Variants in ABCB5 observed in about 807,000 individuals in gnomAD.
ABCB5 encodes the protein ATP binding cassette subfamily B member 5.
In ABCB5, 155 loss-of-function variants were observed where a neutral mutation model predicts 144.2. The ratio of observed to expected loss-of-function variants is 1.08; its 90% CI spans 0.94 to 1.23. The LOEUF (loss-of-function observed/expected upper bound fraction) is 1.23, where lower values mean the gene tolerates loss of function less well. ABCB5 is among the 50% of genes most tolerant of loss of function. The pLI, the probability that ABCB5 is intolerant of heterozygous loss-of-function variation, is 0.00. For missense variants in ABCB5, 1,830 were observed against 1,520.8 expected, an observed-to-expected ratio of 1.20 and a Z score of -3.38; for synonymous variants, 610 against 528.6, an observed-to-expected ratio of 1.15 and a Z score of -2.11.
intron 14 of ABCB5, among the ~76,000 whole-genome samples, chr7:20,660,568 G>A (rs1784970937): frequency 6.6e-6 from 1 of 152,106 alleles, no homozygotes; most frequent in African/African-American, 2.4e-5. Context: ...GTAGCACCAT[G>A]ACAGCCCTCT....
intron 5 of ABCB5, among the ~76,000 whole-genome samples, chr7:20,635,474 A>G (rs531492285): frequency 6.6e-6 from 1 of 151,734 alleles, no homozygotes; most frequent in Non-Finnish European, 1.5e-5. Context: ...TAGAAATTGC[A>G]TTGAATGTAT....
intron 23 of ABCB5, 101 bp downstream of exon 23, chr7:20,728,556 T>C (rs964498156): frequency 3.7e-6 from 5 of 1,336,824 alleles, no homozygotes; most frequent in Non-Finnish European, 5.1e-6. Context: ...GAGTTTGAGA[T>C]CAGCCTGACC....
At chr7:20,695,759 T>C (rs774710476) in intron 16 of ABCB5, among the ~76,000 whole-genome samples, 11 of 151,898 alleles carry the variant, frequency 7.2e-5, no homozygotes. Flanking sequence ...AGCAAAAGAT[T>C]TGAAAAGGCA....
intron 19 of ABCB5, among the ~76,000 whole-genome samples, chr7:20,702,958 C>T (rs1014637686): frequency 1.3e-5 from 2 of 151,282 alleles, no homozygotes; most frequent in African/African-American, 4.9e-5. Context: ...TATATATTGC[C>T]TATGCTGGAA....
chr7:20,725,414 A>C (rs1782003739), intron 21 of ABCB5, among the ~76,000 whole-genome samples: 1 of 152,190 alleles, frequency 6.6e-6, no homozygotes, highest in Non-Finnish European at 1.5e-5. Flanking sequence ...CCCTGTCTCT[A>C]CTAAAAATAC....
chr7:20,711,794 T>TCTCTCTCTCTCTCTC (rs1562573624), intron 20 of ABCB5, among the ~76,000 whole-genome samples: 4 of 85,670 alleles, frequency 4.7e-5, no homozygotes, highest in Admixed American at 1.3e-4. Context: ...CTTTCTTTCT[T>TCTCTCTCTCTCTCTC]TCTTTCTTTC....
chr7:20,667,523 CTT>C (rs1785239141), intron 14 of ABCB5: 1 of 978,876 alleles, frequency 1.0e-6, no homozygotes, highest in South Asian at 4.7e-5. Flanking sequence ...TTAATGCTCT[CTT>C]TTATATTTTC....
chr7:20,704,836 T>C lies in ABCB5; in HGVS notation c.2421+29T>C, dbSNP rs201029268. The C allele has an allele frequency of 3.1e-4, 485 of 1,565,620 alleles. 2 individuals are homozygous for C. In the African/African-American group the frequency reaches 5.7e-3, roughly 19 times the overall value. On this transcript the variant is annotated intron_variant, in intron 20 of 27. Transcript: ENST00000404938. Reference sequence around the variant, plus strand: ...TGTATATTGTTTTTATTGTAAATGATGTATGTATGTGGTGTGCACACATGC... The same window carrying C: ...TGTATATTGTTTTTATTGTAAATGACGTATGTATGTGGTGTGCACACATGC...
chr7:20,753,303 G>A, intron 26 of ABCB5, 57 bp from the exon 27 acceptor site: 1 of 1,556,408 alleles, frequency 6.4e-7, no homozygotes, highest in African/African-American at 1.4e-5. Context: ...GCCCACAGTT[G>A]CCATGCTAAT....
At chr7:20,718,188 C>T (rs1781749652) in intron 20 of ABCB5, among the ~76,000 whole-genome samples, 1 of 151,976 alleles carries the variant, frequency 6.6e-6, no homozygotes, top group African/African-American at 2.4e-5. Context: ...GGATTCCAGG[C>T]GTGAGCCACG....
At chr7:20,702,525 C>A (rs1269107617) in intron 19 of ABCB5, among the ~76,000 whole-genome samples, 1 of 152,066 alleles carries the variant, frequency 6.6e-6, no homozygotes, top group African/African-American at 2.4e-5. Flanking sequence ...TACAACAAAC[C>A]CCCATGACAC....
At position 20,685,685 on chromosome 7, in the gene ABCB5, C is replaced by A; in HGVS notation, c.1870-11C>A. On this transcript the variant is annotated splice_polypyrimidine_tract_variant and intron_variant, in intron 15 of 27. Transcript: ENST00000404938. ...TTCTTATAATGATAACCTATATATT[C>A]TTCCTGTAAGGATATTAAAAAAGCT... The A allele has an allele frequency of 3.8e-6, 6 of 1,589,572 alleles. No individual in the cohort carries two copies. Among genetic ancestry groups the A allele is most frequent in the Non-Finnish European group, 5.1e-6 (6 of 1,168,468 alleles).
chr7:20,618,513 G>A (rs569882674), intron 1 of ABCB5, among the ~76,000 whole-genome samples: 1 of 152,044 alleles, frequency 6.6e-6, no homozygotes, highest in South Asian at 2.1e-4. Context: ...CCTTCGCCCA[G>A]GTAGTGAGCA....
In ABCB5 at chr7:20,650,110, A is replaced by G; in HGVS notation, c.1295A>G (p.Gln432Arg). Residue 432 changes from glutamine to arginine, a missense_variant, in exon 12 of 28, where the codon CAG (glutamine) becomes CGG (arginine). Gln to Arg is a conservative substitution (Grantham distance 43, BLOSUM62 1). Coordinates refer to ENST00000404938, the MANE Select transcript of ABCB5 (RefSeq NM_001163941.2). ...LNGSGKSTVVQLLQRLYDPDD... is the reference protein window; with the variant it reads ...LNGSGKSTVVRLLQRLYDPDD... ...GGCAGTGGGAAGAGTACGGTAGTCC[A>G]GCTTCTGCAGAGGTTATATGATCCG... is the stretch of plus-strand genomic sequence containing the variant. 6.2e-7 allele frequency: 1 copy of G among 1,613,660 alleles called. No individual in the cohort carries two copies. Among genetic ancestry groups the G allele is most frequent in the South Asian group, 1.1e-5 (1 of 91,076 alleles).
In ABCB5 at chr7:20,645,824, C is replaced by G; in HGVS notation, c.747C>G (p.Val249=). The G allele has an allele frequency of 2.5e-6, 4 of 1,613,834 alleles. No homozygotes were observed. Among genetic ancestry groups the G allele is most frequent in the Non-Finnish European group, 3.4e-6 (4 of 1,179,790 alleles). The part of the protein sequence containing the change: ...YSKAGAVAEE[V]LSSIRTVIAF... ...AAGCTGGGGCTGTGGCAGAAGAAGT[C>G]TTGTCATCAATCCGAACAGTCATAG... Residue 249 remains valine, a synonymous_variant, in exon 8 of 28, where the codon GTC becomes GTG. Coordinates refer to ENST00000404938, the MANE Select transcript of ABCB5 (RefSeq NM_001163941.2).
chr7:20,634,248 G>GTC (rs1299353785), intron 5 of ABCB5, among the ~76,000 whole-genome samples: 1 of 149,566 alleles, frequency 6.7e-6, no homozygotes, highest in African/African-American at 2.5e-5. Context: ...TTGTGTGTGT[G>GTC]TGTGTGTGTG....
intron 20 of ABCB5, among the ~76,000 whole-genome samples, chr7:20,718,267 C>T (rs1185939764): frequency 6.6e-6 from 1 of 152,038 alleles, no homozygotes; most frequent in Non-Finnish European, 1.5e-5. Flanking sequence ...AATGTAGGGT[C>T]GGAGGGACAC....
At chr7:20,749,062 C>G (rs1782826259) in intron 26 of ABCB5, among the ~76,000 whole-genome samples, 1 of 151,544 alleles carries the variant, frequency 6.6e-6, no homozygotes, top group Admixed American at 6.6e-5. Context: ...CTTTCTTTCT[C>G]TCTCCCTTTC....
chr7:20,667,124 T>C (rs1785225282), intron 14 of ABCB5: 2 of 799,692 alleles, frequency 2.5e-6, no homozygotes, highest in Non-Finnish European at 3.0e-6. Flanking sequence ...GCACAGTTTT[T>C]TCCCTTTTAA....
Sources: gnomAD v4.1 joint callset for allele counts (sites outside exome capture counted in the v4.1 genomes callset) on GRCh38, gnomAD v4.1.1 for gene constraint, MANE v1.5 for transcripts, NCBI Gene and HGNC (gene_info 2026-07-23, HGNC 2026-07-21) for gene names.